SLC25A21: variants seen among roughly 807,000 people sequenced by gnomAD.
The protein encoded by SLC25A21 is solute carrier family 25 member 21.
A neutral mutation model predicts 43.8 loss-of-function variants in SLC25A21; 47 were observed. The ratio of observed to expected loss-of-function variants is 1.07; its 90% CI spans 0.85 to 1.37. SLC25A21 has a LOEUF of 1.37. Ranked by LOEUF, SLC25A21 falls within the 40% of genes most tolerant of loss-of-function variation. The probability of loss-of-function intolerance (pLI) is 0.00; values close to 1 mark genes in which losing one functional copy is unlikely to be tolerated. For synonymous variants in SLC25A21, 131 were observed against 121.3 expected, an observed-to-expected ratio of 1.08 and a Z score of -0.52; for missense variants, 352 against 350.2, an observed-to-expected ratio of 1.00 and a Z score of -0.04.
chr14:37,034,819 T>C (rs61989487), intron 1 of SLC25A21, among the ~76,000 whole-genome samples: 1 of 152,288 alleles, frequency 6.6e-6, no homozygotes, highest in East Asian at 1.9e-4. Flanking sequence ...CTGTTGTTGA[T>C]GGACACAGGA....
Position 36,742,111 on chromosome 14 carries a change from C to A in SLC25A21, c.204-7538G>T, listed in dbSNP as rs116550683. 6.8e-3 allele frequency among the ~76,000 whole-genome samples: 1,029 copies of A among 152,294 alleles called. 12 individuals carry two copies. The highest frequency in any genetic ancestry group is 0.023 in the African/African-American group (958 of 41,566). ...TCATCTGTTCTGGCAACATGACCAA[C>A]CCAAATCAGTCATTTTCTCCAAATT... is the stretch of plus-strand genomic sequence containing the variant. On this transcript the variant is annotated intron_variant, in intron 3 of 9. Coordinates refer to ENST00000331299, the MANE Select transcript of SLC25A21 (RefSeq NM_030631.4).
At chr14:37,158,207 G>A (rs940543355) in intron 1 of SLC25A21, among the ~76,000 whole-genome samples, 10 of 152,078 alleles carry the variant, frequency 6.6e-5, no homozygotes, top group African/African-American at 2.4e-4. Context: ...AACTGAAGAG[G>A]AGGTAATTCT....
At chr14:37,076,040 T>G (rs1962274411) in intron 1 of SLC25A21, among the ~76,000 whole-genome samples, 1 of 152,236 alleles carries the variant, frequency 6.6e-6, no homozygotes, top group African/African-American at 2.4e-5. Context: ...AGCAAACACC[T>G]TGCTCTGGCT....
Position 36,679,451 on chromosome 14 carries a change from T to A in SLC25A21, c.*1207A>T. ...GCCCACGGTAGTAACTTAGGACAGG[T>A]GTCATATGGACTTTCAGTTATTCTT... On this transcript the variant is annotated 3_prime_UTR_variant, in exon 10 of 10. Transcript: ENST00000331299. The A allele has an allele frequency of 3.0e-6, 3 of 985,388 alleles. No individual in the cohort carries two copies. The highest frequency in any genetic ancestry group is 3.6e-6 in the Non-Finnish European group (3 of 829,896). 61.0% of individuals were successfully genotyped at this position (985,388 alleles called of 1,614,324 possible). A position where few individuals can be genotyped will look rare whatever the true frequency, so the allele number is the denominator to read the frequency against.
At chr14:36,840,841 G>A (rs1325413749) in intron 2 of SLC25A21, among the ~76,000 whole-genome samples, 1 of 152,140 alleles carries the variant, frequency 6.6e-6, no homozygotes, top group Non-Finnish European at 1.5e-5. Flanking sequence ...GAATGCATGG[G>A]ACATCACGGA....
chr14:37,060,381 A>AATG (rs1370637288), intron 1 of SLC25A21, among the ~76,000 whole-genome samples: 1 of 84,962 alleles, frequency 1.2e-5, no homozygotes, highest in Admixed American at 1.1e-4. Flanking sequence ...TCTACTCTCT[A>AATG]ATAATAATAA....
chr14:36,951,096 C>A (rs1892799162), intron 1 of SLC25A21, among the ~76,000 whole-genome samples: 1 of 152,074 alleles, frequency 6.6e-6, no homozygotes, highest in Non-Finnish European at 1.5e-5. Flanking sequence ...GTCATATACC[C>A]TAGAGGCAGT....
At chr14:36,791,157 GAA>G (rs1285478272) in intron 3 of SLC25A21, among the ~76,000 whole-genome samples, 4 of 152,072 alleles carry the variant, frequency 2.6e-5, no homozygotes, top group African/African-American at 4.8e-5. Context: ...ATTTCAGAGA[GAA>G]AATTATGCTG....
intron 1 of SLC25A21, among the ~76,000 whole-genome samples, chr14:36,907,723 T>C (rs1314344924): frequency 6.6e-6 from 1 of 152,116 alleles, no homozygotes; most frequent in Non-Finnish European, 1.5e-5. Flanking sequence ...TGATATTACC[T>C]TAGATGCCAA....
At chr14:36,999,231 T>G (rs1011558345) in intron 1 of SLC25A21, among the ~76,000 whole-genome samples, 1 of 152,112 alleles carries the variant, frequency 6.6e-6, no homozygotes, top group African/African-American at 2.4e-5. Flanking sequence ...CATGAAAATA[T>G]ATGAAGAAAC....
chr14:36,818,100 A>G (rs1306753313), intron 2 of SLC25A21, among the ~76,000 whole-genome samples: 2 of 152,192 alleles, frequency 1.3e-5, no homozygotes, highest in Non-Finnish European at 2.9e-5. Context: ...ATAGATGATT[A>G]CCATACACAA....
intron 1 of SLC25A21, among the ~76,000 whole-genome samples, chr14:36,896,535 T>C (rs1891244747): frequency 6.6e-6 from 1 of 152,218 alleles, no homozygotes; most frequent in South Asian, 2.1e-4. Context: ...ATTTAGCCCA[T>C]TTACATTTAA....
At chr14:37,003,457 C>T (rs1389731912) in intron 1 of SLC25A21, among the ~76,000 whole-genome samples, 5 of 152,082 alleles carry the variant, frequency 3.3e-5, no homozygotes, top group South Asian at 2.1e-4. Context: ...AGCAAAACTG[C>T]GGATAAGAGG....
At chr14:36,783,218 G>C (rs1354043492) in intron 3 of SLC25A21, among the ~76,000 whole-genome samples, 2 of 150,842 alleles carry the variant, frequency 1.3e-5, no homozygotes, top group African/African-American at 2.4e-5. Flanking sequence ...GGGGTGGTGG[G>C]GGGGCGGAGG....
intron 1 of SLC25A21, among the ~76,000 whole-genome samples, chr14:36,884,274 A>G (rs1890851277): frequency 6.6e-6 from 1 of 152,132 alleles, no homozygotes; most frequent in Admixed American, 6.6e-5. Context: ...ACTTAGCATG[A>G]CGTCCTCTGG....
intron 1 of SLC25A21, 58 bp downstream of exon 1, chr14:37,172,223 A>G: frequency 1.3e-6 from 2 of 1,507,662 alleles, no homozygotes; most frequent in Non-Finnish European, 1.8e-6. Flanking sequence ...CAACGGTTTC[A>G]GGACACGCGG....
At chr14:36,732,061 G>A (rs1884848133) in intron 4 of SLC25A21, among the ~76,000 whole-genome samples, 1 of 152,148 alleles carries the variant, frequency 6.6e-6, no homozygotes, top group African/African-American at 2.4e-5. Flanking sequence ...ACTGGTCCCT[G>A]TTACTCTATC....
At chr14:37,083,330 T>C (rs1469910248) in intron 1 of SLC25A21, among the ~76,000 whole-genome samples, 2 of 152,214 alleles carry the variant, frequency 1.3e-5, no homozygotes, top group African/African-American at 2.4e-5. Context: ...TATATACTTC[T>C]AGGGTTGATT....
At chr14:36,799,721 T>G (rs1333368098) in intron 3 of SLC25A21, among the ~76,000 whole-genome samples, 2 of 152,136 alleles carry the variant, frequency 1.3e-5, no homozygotes, top group Non-Finnish European at 2.9e-5. Flanking sequence ...ATTGGACAAG[T>G]TACACAAACA....
Sources: allele counts gnomAD v4.1 joint callset (sites outside exome capture counted in the v4.1 genomes callset), GRCh38; gene constraint gnomAD v4.1.1; transcripts MANE v1.5; gene names NCBI Gene and HGNC (gene_info 2026-07-23, HGNC 2026-07-21).